Variants in MSRA observed in about 807,000 individuals in gnomAD.
MSRA encodes the protein methionine sulfoxide reductase A.
A neutral mutation model predicts 31.3 loss-of-function variants in MSRA; 54 were observed. The observed-to-expected ratio is 1.73, with a 90% confidence interval of 1.39 to 2.17. MSRA has a LOEUF of 2.17. MSRA is among the 30% of genes most tolerant of loss of function. MSRA has a pLI of 0.00. For missense variants in MSRA, 507 were observed against 300.9 expected, an observed-to-expected ratio of 1.69 and a Z score of -5.07; for synonymous variants, 169 against 116.5, an observed-to-expected ratio of 1.45 and a Z score of -2.90.
intron 1 of MSRA, among the ~76,000 whole-genome samples, chr8:10,119,935 C>A (rs181205504): frequency 3.3e-5 from 5 of 152,234 alleles, no homozygotes. Context: ...TGAAGCTTTA[C>A]CATGCCTAGA....
intron 2 of MSRA, among the ~76,000 whole-genome samples, chr8:10,241,958 A>G (rs1797348590): frequency 6.6e-6 from 1 of 152,186 alleles, no homozygotes; most frequent in East Asian, 1.9e-4. Flanking sequence ...AAAAGAATGG[A>G]GACAATGTGT....
At chr8:10,416,649 A>T (rs1416063842) in intron 5 of MSRA, among the ~76,000 whole-genome samples, 3 of 152,202 alleles carry the variant, frequency 2.0e-5, no homozygotes, top group Non-Finnish European at 4.4e-5. Context: ...CTTCAAAAGG[A>T]GGGTGAGGGA....
chr8:10,259,454 G>T (rs1798354192), intron 3 of MSRA, among the ~76,000 whole-genome samples: 1 of 152,222 alleles, frequency 6.6e-6, no homozygotes, highest in Non-Finnish European at 1.5e-5. Flanking sequence ...CATACTTCCT[G>T]GTGAAGCAGG....
At chr8:10,426,953 C>A (rs1271299025) in intron 5 of MSRA, among the ~76,000 whole-genome samples, 1 of 59,078 alleles carries the variant, frequency 1.7e-5, no homozygotes, top group East Asian at 5.0e-4. Flanking sequence ...GGGACCCTGC[C>A]CCTTGTCGTT....
intron 5 of MSRA, among the ~76,000 whole-genome samples, chr8:10,402,296 G>T (rs192931063): frequency 1.3e-5 from 2 of 152,214 alleles, no homozygotes; most frequent in African/African-American, 2.4e-5. Flanking sequence ...CCCCTGGAGG[G>T]ACCCTGGCCT....
intron 3 of MSRA, among the ~76,000 whole-genome samples, chr8:10,259,677 C>T (rs1280031537): frequency 6.6e-6 from 1 of 152,076 alleles, no homozygotes; most frequent in Admixed American, 6.5e-5. Flanking sequence ...GTAGACCGTC[C>T]TGGGAAACCC....
intron 2 of MSRA, among the ~76,000 whole-genome samples, chr8:10,221,700 T>A (rs1810515833): frequency 6.6e-6 from 1 of 152,182 alleles, no homozygotes. Flanking sequence ...CATGTCAGAT[T>A]ATGATAAGTG....
intron 5 of MSRA, among the ~76,000 whole-genome samples, chr8:10,390,969 T>G (rs2129179464): frequency 8.3e-6 from 1 of 120,858 alleles, no homozygotes; most frequent in African/African-American, 2.7e-5. Flanking sequence ...AGTGAGACTC[T>G]GTCTCAAAAG....
At chr8:10,092,107 T>C (rs1222339175) in intron 1 of MSRA, among the ~76,000 whole-genome samples, 1 of 152,206 alleles carries the variant, frequency 6.6e-6, no homozygotes, top group Non-Finnish European at 1.5e-5. Flanking sequence ...GTGTCTTTGC[T>C]GATATTCTGT....
chr8:10,269,965 C>G (rs549193016), intron 3 of MSRA, among the ~76,000 whole-genome samples: 1 of 152,350 alleles, frequency 6.6e-6, no homozygotes, highest in East Asian at 1.9e-4. Context: ...ACCGCTTACT[C>G]TCTCTGTGAC....
chr8:10,397,540 G>A (rs1472933206), intron 5 of MSRA, among the ~76,000 whole-genome samples: 1 of 152,206 alleles, frequency 6.6e-6, no homozygotes, highest in East Asian at 1.9e-4. Context: ...GCTTCAGGGT[G>A]CTTCTCAGAG....
chr8:10,150,289 C>T (rs887562138), intron 1 of MSRA, among the ~76,000 whole-genome samples: 1 of 151,996 alleles, frequency 6.6e-6, no homozygotes, highest in African/African-American at 2.4e-5. Context: ...CACAGTGCAC[C>T]GGCTCTGAGC....
chr8:10,197,680 G>A (rs1443239628), intron 1 of MSRA, among the ~76,000 whole-genome samples: 2 of 152,282 alleles, frequency 1.3e-5, no homozygotes, highest in South Asian at 2.1e-4. Context: ...CTCTGCCAAC[G>A]TCCATCCGCC....
At chr8:10,170,132 C>A (rs1477972301) in intron 1 of MSRA, among the ~76,000 whole-genome samples, 1 of 150,808 alleles carries the variant, frequency 6.6e-6, no homozygotes, top group Admixed American at 6.6e-5. Flanking sequence ...GTGATCTGCC[C>A]ACTTTGGCCT....
intron 1 of MSRA, among the ~76,000 whole-genome samples, chr8:10,103,274 A>G (rs1342647829): frequency 1.3e-5 from 2 of 152,236 alleles, no homozygotes; most frequent in Admixed American, 6.5e-5. Context: ...GGCTTTAAAA[A>G]TGTCAGTGAT....
intron 1 of MSRA, among the ~76,000 whole-genome samples, chr8:10,061,934 C>A (rs1301571084): frequency 6.6e-6 from 1 of 152,206 alleles, no homozygotes; most frequent in Non-Finnish European, 1.5e-5. Context: ...AAGCTCAGTG[C>A]AGTCCACGTG....
intron 5 of MSRA, among the ~76,000 whole-genome samples, chr8:10,356,238 C>T (rs1243981616): frequency 6.6e-6 from 1 of 152,218 alleles, no homozygotes; most frequent in East Asian, 1.9e-4. Context: ...CTCAGTGGCA[C>T]AGATCTTACA....
chr8:10,269,958 G>A lies in MSRA; in HGVS notation c.331+24735G>A, dbSNP rs746959739. 1.1e-4 allele frequency among the ~76,000 whole-genome samples: 17 copies of A among 152,182 alleles called. 1 individual carries two copies. The highest frequency in any genetic ancestry group is 6.2e-4 in the South Asian group (3 of 4,824). ...GAGCCATCGTGCCTGGCCTGCTACC[G>A]CTTACTCTCTCTGTGACCGTGGAAA... On this transcript the variant is annotated intron_variant, in intron 3 of 5. Transcript: ENST00000317173.
intron 3 of MSRA, among the ~76,000 whole-genome samples, chr8:10,248,578 T>C (rs1429821454): frequency 2.0e-5 from 3 of 152,098 alleles, no homozygotes; most frequent in Non-Finnish European, 2.9e-5. Flanking sequence ...CGAGAGAGTG[T>C]GGATGTGAGT....
Sources: allele counts gnomAD v4.1 joint callset (sites outside exome capture counted in the v4.1 genomes callset), GRCh38; gene constraint gnomAD v4.1.1; transcripts MANE v1.5; gene names NCBI Gene and HGNC (gene_info 2026-07-23, HGNC 2026-07-21).